Variants in KICS2 observed in about 807,000 individuals in gnomAD.
KICS2 encodes the protein KICSTOR subunit 2.
In KICS2, 13 loss-of-function variants were observed where a neutral mutation model predicts 31.4. The ratio of observed to expected loss-of-function variants is 0.41; its 90% CI spans 0.27 to 0.66. The LOEUF is 0.66. KICS2 is among the 30% of genes least tolerant of loss of function. KICS2 has a pLI of 0.28. For missense variants in KICS2, 455 were observed against 545.4 expected (o/e 0.83, Z 1.65); for synonymous variants, 209 against 214.8 (o/e 0.97, Z 0.24).
chr12:64,217,762 C>T (rs1446466525), intron 1 of KICS2, among the ~76,000 whole-genome samples: 1 of 151,096 alleles, frequency 6.6e-6, no homozygotes, highest in African/African-American at 2.4e-5. Flanking sequence ...AATCGTGCCA[C>T]TGCACTCCAG....
chr12:64,208,417 C>G lies in KICS2; in HGVS notation c.521+7261G>C, dbSNP rs187487147. On this transcript the variant is annotated intron_variant, in intron 2 of 2. Transcript: ENST00000398055. ...AGGCTGGGGCACTATCATGGAAGAC[C>G]TTGCTTAAGTCTTCACTATTAAAAT... is the stretch of plus-strand genomic sequence containing the variant. Among the ~76,000 whole-genome samples the G allele has an allele frequency of 2.7e-3, 405 of 152,310 alleles. 1 individual carries two copies. The highest frequency in any genetic ancestry group is 9.0e-3 in the African/African-American group (373 of 41,574).
chr12:64,203,821 C>T (rs529214492), intron 2 of KICS2, among the ~76,000 whole-genome samples: 8 of 152,328 alleles, frequency 5.3e-5, no homozygotes, highest in African/African-American at 1.7e-4. Context: ...GAAAAACACA[C>T]ATTGCTTTTC....
chr12:64,213,497 A>G (rs1288614649), intron 2 of KICS2, among the ~76,000 whole-genome samples: 2 of 152,328 alleles, frequency 1.3e-5, no homozygotes, highest in East Asian at 3.9e-4. Flanking sequence ...GGTCTTGCAT[A>G]GTGTCTGGCA....
At chr12:64,217,000 T>C (rs190349092) in intron 1 of KICS2, among the ~76,000 whole-genome samples, 21 of 152,370 alleles carry the variant, frequency 1.4e-4, no homozygotes, top group Admixed American at 1.2e-3. Flanking sequence ...GAATTTACTA[T>C]TCTAAACATA....
In KICS2 at chr12:64,204,442, T is replaced by G. The variant is rs143098822; in HGVS notation, c.522-9784A>C. Among the ~76,000 whole-genome samples, 1,205 of 152,284 alleles carry G rather than the reference T, an allele frequency of 7.9e-3. 18 individuals carry two copies. Among genetic ancestry groups the G allele is most frequent in the African/African-American group, 0.026 (1,093 of 41,560 alleles). On this transcript the variant is annotated intron_variant, in intron 2 of 2. Coordinates refer to ENST00000398055, the MANE Select transcript of KICS2 (RefSeq NM_152440.5). ...CAGATCTCAAATCTTCCAGCTTACA[T>G]GTTTAATTAATTTGGACTTTTCAAA...
intron 2 of KICS2, among the ~76,000 whole-genome samples, chr12:64,196,135 C>T (rs1377614859): frequency 1.3e-5 from 2 of 152,172 alleles, no homozygotes; most frequent in Admixed American, 6.5e-5. Flanking sequence ...GTAGGCTCCA[C>T]CTCTGGGGGC....
rs185657863 is a variant in KICS2, at chr12:64,202,126, T to C, written c.522-7468A>G. On this transcript the variant is annotated intron_variant, in intron 2 of 2. Transcript: ENST00000398055. ...CAAAATGTATAAAAGTTTTTGACGC[T>C]GGGCACAGTGGCTTATTCCTGTAAA... 2.6e-5 allele frequency among the ~76,000 whole-genome samples: 4 copies of C among 152,320 alleles called. No homozygotes were observed. In the East Asian group the frequency reaches 7.7e-4, roughly 29 times the overall value.
At chr12:64,211,392 GAT>G (rs1367021641) in intron 2 of KICS2, among the ~76,000 whole-genome samples, 2 of 152,178 alleles carry the variant, frequency 1.3e-5, no homozygotes, top group African/African-American at 4.8e-5. Flanking sequence ...GAGGTGGGGG[GAT>G]CATTTGAGGT....
chr12:64,204,481 A>G (rs2037518992), intron 2 of KICS2, among the ~76,000 whole-genome samples: 1 of 152,236 alleles, frequency 6.6e-6, no homozygotes, highest in Admixed American at 6.5e-5. Context: ...TATATATTTT[A>G]GAATGAACAC....
chr12:64,188,943 A>T (rs968147440), downstream of KICS2, among the ~76,000 whole-genome samples: 4 of 152,106 alleles, frequency 2.6e-5, no homozygotes, highest in Non-Finnish European at 5.9e-5. Context: ...TCATGAGGTC[A>T]AGAGATGGAG....
intron 1 of KICS2, among the ~76,000 whole-genome samples, chr12:64,219,242 G>A (rs557922425): frequency 5.9e-5 from 9 of 152,170 alleles, no homozygotes; most frequent in Admixed American, 5.2e-4. Flanking sequence ...TTTCTACTAT[G>A]CTAAATTTCA....
downstream of KICS2, chr12:64,186,757 G>T (rs1361468455): frequency 6.6e-6 from 1 of 152,180 alleles, no homozygotes; most frequent in Non-Finnish European, 1.5e-5. Context: ...CCGGGTGGCT[G>T]GGGCCAGGTC....
chr12:64,209,489 T>G (rs372719422), intron 2 of KICS2, among the ~76,000 whole-genome samples: 243 of 151,978 alleles, frequency 1.6e-3, no homozygotes, highest in African/African-American at 4.9e-3. Flanking sequence ...GGAGGCTGAG[T>G]CAGGAGAATC....
At chr12:64,198,730 G>C (rs2037462133) in intron 2 of KICS2, among the ~76,000 whole-genome samples, 1 of 79,548 alleles carries the variant, frequency 1.3e-5, no homozygotes, top group Non-Finnish European at 2.4e-5. Flanking sequence ...AAAAAAGAGA[G>C]AAGAATCAAA....
Position 64,215,715 on chromosome 12 carries a change from C to T in KICS2, c.484G>A (p.Gly162Ser). 6.2e-7 allele frequency: 1 copy of T among 1,613,814 alleles called. No homozygotes were observed. Among genetic ancestry groups the T allele is most frequent in the Non-Finnish European group, 8.5e-7 (1 of 1,179,978 alleles). ...QKFINAEELVGLLDAIMKKYS... is the reference protein window; with the variant it reads ...QKFINAEELVSLLDAIMKKYS... ...TTTTTCATGATGGCATCCAAAAGGC[C>T]AACGAGCTCTTCAGCATTGATGAAC... The change falls in exon 2 of 3, where the codon GGC becomes AGC. Residue 162 changes from glycine (G) to serine (S), a missense_variant. Physicochemically the swap from Gly to Ser is moderately conservative, Grantham distance 56. Coordinates refer to ENST00000398055, the MANE Select transcript of KICS2 (RefSeq NM_152440.5).
intron 2 of KICS2, among the ~76,000 whole-genome samples, chr12:64,198,908 G>T (rs2037463538): frequency 6.6e-6 from 1 of 151,572 alleles, no homozygotes; most frequent in Admixed American, 6.6e-5. Flanking sequence ...CCAGGAAGAA[G>T]TTGAATCTCT....
chr12:64,187,286 G>T, downstream of KICS2: 1 of 273,918 alleles, frequency 3.7e-6, no homozygotes. Flanking sequence ...CCATGTCATT[G>T]CCTCTTGTGA....
At chr12:64,207,555 G>C (rs1232983846) in intron 2 of KICS2, among the ~76,000 whole-genome samples, 4 of 152,206 alleles carry the variant, frequency 2.6e-5, no homozygotes, top group Non-Finnish European at 5.9e-5. Context: ...CTAACAGATT[G>C]GCTGCAAGCA....
At position 64,219,595 on chromosome 12, in the gene KICS2, TAA is replaced by T. The variant is rs1328660303; in HGVS notation, c.235+2406_235+2407del. Among the ~76,000 whole-genome samples, 5 of 151,130 alleles carry T rather than the reference TAA, an allele frequency of 3.3e-5. No individual in the cohort carries two copies. In the East Asian group the frequency reaches 9.6e-4, roughly 29 times the overall value. ...GACTCCCTTTTTACTTGAAATTTGC[TAA>T]GAGAGTAGATCTTAAGTATTCTCAC... On this transcript the variant is annotated intron_variant, in intron 1 of 2. Coordinates refer to ENST00000398055, the MANE Select transcript of KICS2 (RefSeq NM_152440.5).
Sources: allele counts gnomAD v4.1 joint callset (sites outside exome capture counted in the v4.1 genomes callset), GRCh38; gene constraint gnomAD v4.1.1; transcripts MANE v1.5; gene names NCBI Gene and HGNC (gene_info 2026-07-23, HGNC 2026-07-21).